NDUFB7: variants seen among roughly 807,000 people sequenced by gnomAD.
NDUFB7 encodes the protein NADH dehydrogenase [ubiquinone] 1 beta subcomplex subunit 7.
In NDUFB7, 18 loss-of-function variants were observed where a neutral mutation model predicts 14.7. The ratio of observed to expected loss-of-function variants is 1.22; its 90% confidence interval spans 0.85 to 1.81. The LOEUF is 1.81. Among genes scored for constraint, NDUFB7 ranks in the 40% most tolerant of loss-of-function variants. The probability of loss-of-function intolerance (pLI) is 0.00; values close to 1 mark genes in which losing one functional copy is unlikely to be tolerated. For missense variants in NDUFB7, 219 were observed against 195.0 expected (o/e 1.12, Z -0.73); for synonymous variants, 86 against 76.1 (o/e 1.13, Z -0.68).
At chr19:14,568,702 C>A (rs1374533819) in intron 1 of NDUFB7, among the ~76,000 whole-genome samples, 1 of 152,096 alleles carries the variant, frequency 6.6e-6, no homozygotes, top group African/African-American at 2.4e-5. Context: ...CTGGGGAGCA[C>A]AGAAAGATCC....
At position 14,571,981 on chromosome 19, in the gene NDUFB7, C is replaced by T. The variant is rs1198415693; in HGVS notation, c.20G>A (p.Arg7Gln). Residue 7 changes from arginine to glutamine, a missense_variant, in exon 1 of 3, where the codon CGG becomes CAG. Coordinates refer to ENST00000215565, the MANE Select transcript of NDUFB7 (RefSeq NM_004146.6). MGAHLV[R>Q]RYLGDASVEP... ...CACCGAGGCATCGCCCAGGTAGCGCCGGACCAGGTGGGCCCCCATGGCTGC... is the reference window on the plus strand; with the variant it reads ...CACCGAGGCATCGCCCAGGTAGCGCTGGACCAGGTGGGCCCCCATGGCTGC... 3 of 1,606,362 alleles carry T rather than the reference C, an allele frequency of 1.9e-6. No homozygotes were observed. The South Asian group carries it at 3.3e-5, about 18-fold the overall frequency.
rs1221882992 is a variant in NDUFB7 at position 14,566,783 on chromosome 19, T to C, written c.263A>G (p.Asp88Gly). ...LACKQERHDW[D>G]YCEHRDYVMR... Reference sequence around the variant, plus strand: ...TGCTCACTCGCGGTGCTCGCAGTAGTCCCAGTCGTGCCGCTCCTGCTTGCA... The same window carrying C: ...TGCTCACTCGCGGTGCTCGCAGTAGCCCCAGTCGTGCCGCTCCTGCTTGCA... The change falls in exon 2 of 3, where the codon GAC (aspartate) becomes GGC (glycine). Residue 88 changes from aspartate (D) to glycine (G), a missense_variant. Asp to Gly is a moderately conservative substitution (Grantham distance 94). Coordinates refer to ENST00000215565, the MANE Select transcript of NDUFB7 (RefSeq NM_004146.6). 5.8e-6 allele frequency: 9 copies of C among 1,545,238 alleles called. No individual in the cohort carries two copies. Among genetic ancestry groups the C allele is most frequent in the Non-Finnish European group, 7.8e-6 (9 of 1,146,642 alleles).
At position 14,566,687 on chromosome 19, in the gene NDUFB7, G is replaced by A. The variant is rs1297810528; in HGVS notation, c.281+78C>T. 7.5e-6 allele frequency: 10 copies of A among 1,335,968 alleles called. No individual in the cohort carries two copies. The Admixed American group carries it at 1.5e-4, about 21-fold the overall frequency. The allele number at this position is 1,335,968 out of a possible 1,614,324, so 82.8% of individuals were successfully genotyped here. ...CGGGCTGGGCATGTGGGGGGCTTGG[G>A]TGGGCCAGGGGTGTGGAAGGCTGGG... is the stretch of plus-strand genomic sequence containing the variant. On this transcript the variant is annotated intron_variant, in intron 2 of 2. Coordinates refer to ENST00000215565, the MANE Select transcript of NDUFB7 (RefSeq NM_004146.6).
rs1020070816 is a variant in NDUFB7, at chr19:14,566,753, G to A, written c.281+12C>T. 6.5e-7 allele frequency: 1 copy of A among 1,540,314 alleles called. No homozygotes were observed. Among genetic ancestry groups the A allele is most frequent in the Non-Finnish European group, 8.7e-7 (1 of 1,145,310 alleles). ...GGGCCGGGGTGTTGGGGGCTGGTGT[G>A]GGGGTGCTCACTCGCGGTGCTCGCA... On this transcript the variant is annotated intron_variant, in intron 2 of 2. Coordinates refer to ENST00000215565, the MANE Select transcript of NDUFB7 (RefSeq NM_004146.6).
chr19:14,566,271 G>A lies in NDUFB7; in HGVS notation c.282-6C>T. 6.2e-7 allele frequency: 1 copy of A among 1,613,904 alleles called. No homozygotes were observed. The highest frequency in any genetic ancestry group is 8.5e-7 in the Non-Finnish European group (1 of 1,180,014). ...CCTTCATGCGCATCACATAGCTGGG[G>A]GAAAAGCACGAGAGGGGCTGTCAGG... On this transcript the variant is annotated splice_region_variant and splice_polypyrimidine_tract_variant and intron_variant, in intron 2 of 2. Coordinates refer to ENST00000215565, the MANE Select transcript of NDUFB7 (RefSeq NM_004146.6).
At position 14,571,937 on chromosome 19, in the gene NDUFB7, T is replaced by C; in HGVS notation, c.64A>G (p.Met22Val). 6.2e-7 allele frequency: 1 copy of C among 1,612,272 alleles called. No homozygotes were observed. Among genetic ancestry groups the C allele is most frequent in the Non-Finnish European group, 8.5e-7 (1 of 1,179,524 alleles). ...CCGTAGTCTGGCGGGAAGGTTGGCA[T>C]CTGCAGGGGGTCGGGCTCCACCGAG... The part of the protein sequence containing the change: ...DASVEPDPLQ[M>V]PTFPPDYGFP... Residue 22 changes from methionine (M) to valine (V), a missense_variant, in exon 1 of 3, where the codon ATG (methionine) becomes GTG (valine). Physicochemically the swap from Met to Val is conservative, Grantham distance 21. Coordinates refer to ENST00000215565, the MANE Select transcript of NDUFB7 (RefSeq NM_004146.6).
At chr19:14,570,428 CT>C in intron 1 of NDUFB7, among the ~76,000 whole-genome samples, 1 of 152,042 alleles carries the variant, frequency 6.6e-6, no homozygotes, top group East Asian at 1.9e-4. Context: ...TCTCAATCCC[CT>C]GACCTCGTGA....
chr19:14,570,224 G>T (rs1023098783), intron 1 of NDUFB7, among the ~76,000 whole-genome samples: 5 of 143,906 alleles, frequency 3.5e-5, no homozygotes, highest in Non-Finnish European at 6.1e-5. Context: ...TTTTGAGATG[G>T]AGTCTTGCTC....
At chr19:14,569,046 G>T (rs528133210) in intron 1 of NDUFB7, among the ~76,000 whole-genome samples, 1 of 152,054 alleles carries the variant, frequency 6.6e-6, no homozygotes, top group African/African-American at 2.4e-5. Context: ...GTGGTGGCAC[G>T]CACCTGTAAT....
At chr19:14,566,652 G>A (rs536295974) in intron 2 of NDUFB7, 113 bp downstream of exon 2, 12 of 987,892 alleles carry the variant, frequency 1.2e-5, no homozygotes, top group Middle Eastern at 3.3e-4. Context: ...GGGTGGGAGG[G>A]GGGCTTGGGC....
chr19:14,571,189 T>G (rs1466919001), intron 1 of NDUFB7, among the ~76,000 whole-genome samples: 1 of 152,234 alleles, frequency 6.6e-6, no homozygotes, highest in East Asian at 1.9e-4. Flanking sequence ...AGGACAGTAT[T>G]TGCAGCTCGA....
Position 14,572,049 on chromosome 19 carries a change from C to G in NDUFB7, c.-49G>C. ...GCAGCAGCCGAGGGTCACCTAGCTCCTACCCGGAACCACTGACCCCTCAGT... is the reference window on the plus strand; with the variant it reads ...GCAGCAGCCGAGGGTCACCTAGCTCGTACCCGGAACCACTGACCCCTCAGT... On this transcript the variant is annotated 5_prime_UTR_variant, in exon 1 of 3. Coordinates refer to ENST00000215565, the MANE Select transcript of NDUFB7 (RefSeq NM_004146.6). 1 of 1,406,332 alleles carries G rather than the reference C, an allele frequency of 7.1e-7. No individual in the cohort carries two copies. Among genetic ancestry groups the G allele is most frequent in the Non-Finnish European group, 9.7e-7 (1 of 1,030,228 alleles). 87.1% of individuals were successfully genotyped at this position (1,406,332 alleles called of 1,614,324 possible). A position where few individuals can be genotyped will look rare whatever the true frequency, so the allele number is the denominator to read the frequency against.
Position 14,566,880 on chromosome 19 carries a change from G to A in NDUFB7, c.166C>T (p.Arg56Trp), listed in dbSNP as rs1360890993. The A allele has an allele frequency of 1.3e-5, 21 of 1,579,008 alleles. No homozygotes were observed. The highest frequency in any genetic ancestry group is 6.9e-5 in the East Asian group (3 of 43,334). Residue 56 changes from arginine to tryptophan, a missense_variant, in exon 2 of 3, where the codon CGG (arginine) becomes TGG (tryptophan). Arg to Trp is a moderately radical substitution (Grantham distance 101, BLOSUM62 -3). Coordinates refer to ENST00000215565, the MANE Select transcript of NDUFB7 (RefSeq NM_004146.6). ...MMDAQLRLQLRDYCAHHLIRL... is the reference protein window; with the variant it reads ...MMDAQLRLQLWDYCAHHLIRL... ...ATGAGGTGGTGGGCGCAGTAGTCCC[G>A]CAGCTGGAGCCTCAGCTGCGCGTCC...
intron 2 of NDUFB7, 73 bp downstream of exon 2, chr19:14,566,692 C>T: frequency 7.5e-7 from 1 of 1,325,498 alleles, no homozygotes. Flanking sequence ...CTTGGGTGGG[C>T]CAGGGGTGTG....
chr19:14,569,268 C>T (rs535441852), intron 1 of NDUFB7, among the ~76,000 whole-genome samples: 21 of 152,006 alleles, frequency 1.4e-4, no homozygotes, highest in African/African-American at 4.1e-4. Flanking sequence ...ATCGGGAGAC[C>T]GGTCAGCAGG....
chr19:14,566,676 G>T (rs1280111977), intron 2 of NDUFB7, 89 bp downstream of exon 2: 4 of 1,227,058 alleles, frequency 3.3e-6, no homozygotes, highest in South Asian at 1.5e-5. Flanking sequence ...CTGGGCATGT[G>T]GGGGGCTTGG....
Position 14,566,873 on chromosome 19 carries a change from T to A in NDUFB7, c.173A>T (p.Tyr58Phe). 1 of 1,577,036 alleles carries A rather than the reference T, an allele frequency of 6.3e-7. No individual in the cohort carries two copies. The change falls in exon 2 of 3, where the codon TAC becomes TTC. Residue 58 changes from tyrosine to phenylalanine, a missense_variant. By Grantham distance (22) the Tyr-to-Phe change is conservative. Transcript: ENST00000215565. The stretch of plus-strand genomic sequence containing the variant: ...CAGCCGGATGAGGTGGTGGGCGCAG[T>A]AGTCCCGCAGCTGGAGCCTCAGCTG... Reference protein sequence around the residue: ...DAQLRLQLRDYCAHHLIRLLK... With the variant: ...DAQLRLQLRDFCAHHLIRLLK...
chr19:14,566,256 C>T lies in NDUFB7; in HGVS notation c.291G>A (p.Met97Ile). ...GCTCCCGCTCAAACTCCTTCATGCG[C>T]ATCACATAGCTGGGGGAAAAGCACG... The part of the protein sequence containing the change: ...WDYCEHRDYV[M>I]RMKEFERERR... Residue 97 changes from methionine to isoleucine, a missense_variant, in exon 3 of 3, where the codon ATG (methionine) becomes ATA (isoleucine). Physicochemically the swap from Met to Ile is conservative, Grantham distance 10. Transcript: ENST00000215565. The T allele has an allele frequency of 1.2e-6, 2 of 1,614,060 alleles. No homozygotes were observed. Among genetic ancestry groups the T allele is most frequent in the African/African-American group, 1.3e-5 (1 of 75,062 alleles).
rs1324498065 is a variant in NDUFB7 at position 14,566,189 on chromosome 19, C to T, written c.358G>A (p.Ala120Thr). Residue 120 changes from alanine (A) to threonine (T), a missense_variant, in exon 3 of 3, where the codon GCA becomes ACA. Ala to Thr is a moderately conservative substitution (Grantham distance 58, BLOSUM62 0). Coordinates refer to ENST00000215565, the MANE Select transcript of NDUFB7 (RefSeq NM_004146.6). ...GGTCCCTGGCCTTTGGCCAACTCTG[C>T]CGCCTTCTTCTCCCGCCGCTTCTTC... ...QRKKRREKKA[A>T]ELAKGQGPGE... The T allele has an allele frequency of 6.2e-7, 1 of 1,613,726 alleles. No individual in the cohort carries two copies. Among genetic ancestry groups the T allele is most frequent in the African/African-American group, 1.3e-5 (1 of 74,948 alleles).
Sources: gnomAD v4.1 joint callset for allele counts (sites outside exome capture counted in the v4.1 genomes callset) on GRCh38, gnomAD v4.1.1 for gene constraint, MANE v1.5 for transcripts, NCBI Gene and HGNC (gene_info 2026-07-23, HGNC 2026-07-21) for gene names.